PLTP: variants seen among roughly 807,000 people sequenced by gnomAD.
PLTP encodes the protein phospholipid transfer protein, also known as BPI fold containing family E.
In PLTP, 43 loss-of-function variants were observed where a neutral mutation model predicts 54.1. The ratio of observed to expected loss-of-function variants is 0.79; its 90% CI spans 0.62 to 1.02. PLTP has a LOEUF of 1.02. Among genes scored for constraint, PLTP ranks in the 50% least tolerant of loss-of-function variants. The pLI is 0.00. For missense variants in PLTP, 604 were observed against 645.9 expected (o/e 0.94, Z 0.70); for synonymous variants, 263 against 264.6 (o/e 0.99, Z 0.06).
At chr20:45,906,878 G>C (rs1304716561) in intron 7 of PLTP, among the ~76,000 whole-genome samples, 1 of 81,660 alleles carries the variant, frequency 1.2e-5, no homozygotes, top group African/African-American at 3.7e-5. Flanking sequence ...GTGACAGAGC[G>C]AGACTCCATC....
chr20:45,907,380 T>G (rs1221898043), intron 7 of PLTP, among the ~76,000 whole-genome samples: 1 of 151,196 alleles, frequency 6.6e-6, no homozygotes, highest in Non-Finnish European at 1.5e-5. Flanking sequence ...TTCATGTTAA[T>G]TGAGCACCTA....
At chr20:45,906,890 CAAAAA>C (rs746783296) in intron 7 of PLTP, among the ~76,000 whole-genome samples, 1 of 41,030 alleles carries the variant, frequency 2.4e-5, no homozygotes, top group Non-Finnish European at 6.0e-5. Flanking sequence ...GACTCCATCT[CAAAAA>C]AAAAAAAAAA....
In PLTP at chr20:45,906,271, G is replaced by A; in HGVS notation, c.702C>T (p.Phe234=). 1.2e-6 allele frequency: 2 copies of A among 1,611,146 alleles called. No individual in the cohort carries two copies. The highest frequency in any genetic ancestry group is 1.7e-6 in the Non-Finnish European group (2 of 1,177,274). ...TACACCAGCCCAAGCAGCTCACCCG[G>A]AAGTCCATGTCCAGGTTGCTGGTGG... ...VASTSNLDMD[F]RGAFFPLTER... Residue 234 remains phenylalanine (F), a synonymous_variant, in exon 8 of 16, where the codon TTC becomes TTT. Coordinates refer to ENST00000372431, the MANE Select transcript of PLTP (RefSeq NM_006227.4).
In PLTP at chr20:45,899,101, G is replaced by T. The variant is rs371590257; in HGVS notation, c.1360-38C>A. ...GAGGGGAGCCTCATTTATTCATTCA[G>T]TTATTGAGGCCAGAGTTTAGAGATC... On this transcript the variant is annotated intron_variant, in intron 15 of 15. Coordinates refer to ENST00000372431, the MANE Select transcript of PLTP (RefSeq NM_006227.4). 2.3e-5 allele frequency: 37 copies of T among 1,613,536 alleles called. No individual in the cohort carries two copies. In the African/African-American group the frequency reaches 2.9e-4, roughly 13 times the overall value.
chr20:45,905,479 C>A (rs2083230843), intron 8 of PLTP, among the ~76,000 whole-genome samples: 1 of 152,248 alleles, frequency 6.6e-6, no homozygotes, highest in African/African-American at 2.4e-5. Flanking sequence ...CTTCTTTAAT[C>A]TGCATAACAA....
Position 45,904,953 on chromosome 20 carries a change from C to CCAGCAACAGCTG in PLTP, c.859_870dup (p.Gln287_Leu290dup). 9 of 1,614,274 alleles carry CCAGCAACAGCTG rather than the reference C, an allele frequency of 5.6e-6. No homozygotes were observed. The highest frequency in any genetic ancestry group is 7.6e-6 in the Non-Finnish European group (9 of 1,180,048). On this transcript the variant is annotated inframe_insertion, in exon 9 of 16. Transcript: ENST00000372431. ...AGGCCATGACATACCTTGTCCCCCA[C>CCAGCAACAGCTG]CAGCAACAGCTGCAGGGCCCCCGCC...
At position 45,899,743 on chromosome 20, in the gene PLTP, T is replaced by A. The variant is rs1009547179; in HGVS notation, c.1219-58A>T. The A allele has an allele frequency of 2.6e-5, 42 of 1,609,460 alleles. 1 individual carries two copies. The Admixed American group carries it at 7.0e-4, about 27-fold the overall frequency. On this transcript the variant is annotated intron_variant, in intron 13 of 15. Coordinates refer to ENST00000372431, the MANE Select transcript of PLTP (RefSeq NM_006227.4). The stretch of plus-strand genomic sequence containing the variant: ...AGTCAGGGTTGGGTTTGCCTTTAGC[T>A]GCCCGCAGGTGAGCAGTTATATGAG...
rs11569653 is a variant in PLTP, at chr20:45,901,771, G to A, written c.1175+496C>T. ...GCAAAAATTAGCCGGGCGTGGTGGC[G>A]CACACCTGTAATCCCAGCTACTCAG... On this transcript the variant is annotated intron_variant, in intron 12 of 15. Coordinates refer to ENST00000372431, the MANE Select transcript of PLTP (RefSeq NM_006227.4). Among the ~76,000 whole-genome samples the A allele has an allele frequency of 8.9e-3, 1,346 of 151,616 alleles. 21 individuals carry two copies. The highest frequency in any genetic ancestry group is 0.031 in the African/African-American group (1,286 of 41,328).
Position 45,906,746 on chromosome 20 carries a change from T to C in PLTP, c.614-387A>G, listed in dbSNP as rs1296633693. 5.0e-5 allele frequency among the ~76,000 whole-genome samples: 7 copies of C among 140,132 alleles called. 1 individual carries two copies. The Admixed American group carries it at 5.3e-4, about 11-fold the overall frequency. The allele number at this position is 140,132 out of a possible 152,430, so 91.9% of individuals were successfully genotyped here. On this transcript the variant is annotated intron_variant, in intron 7 of 15. Transcript: ENST00000372431. ...TCTCTACTAAAAATACAAAAATTAG[T>C]TGGGCATGGTGGTGGGCGCCTGTAA...
At chr20:45,911,043 A>T (rs1600484478) in intron 3 of PLTP, 109 bp downstream of exon 3, 2 of 1,607,606 alleles carry the variant, frequency 1.2e-6, no homozygotes, top group Admixed American at 1.7e-5. Context: ...CGATTTGGCC[A>T]CGCCCCATCC....
chr20:45,905,528 A>C (rs2083231332), intron 8 of PLTP, among the ~76,000 whole-genome samples: 1 of 152,240 alleles, frequency 6.6e-6, no homozygotes. Context: ...TTTACATGTT[A>C]GGAAACTGGC....
chr20:45,911,845 G>C (rs555959544), intron 1 of PLTP: 1 of 334,472 alleles, frequency 3.0e-6, no homozygotes, highest in African/African-American at 2.1e-5. Flanking sequence ...TTCTTGGAGG[G>C]TGGCTTGCGG....
chr20:45,899,209 T>C, intron 15 of PLTP, 146 bp from the exon 16 acceptor site: 1 of 1,243,560 alleles, frequency 8.0e-7, no homozygotes, highest in Non-Finnish European at 1.1e-6. Flanking sequence ...TGTAGGAGTG[T>C]AGACTATGGG....
Position 45,898,723 on chromosome 20 carries a change from C to T in PLTP, c.*218G>A. 1 of 672,258 alleles carries T rather than the reference C, an allele frequency of 1.5e-6. No homozygotes were observed. The highest frequency in any genetic ancestry group is 1.9e-5 in the South Asian group (1 of 53,680). The allele number at this position is 672,258 out of a possible 1,614,324, so 41.6% of individuals were successfully genotyped here. On this transcript the variant is annotated 3_prime_UTR_variant, in exon 16 of 16. Transcript: ENST00000372431. This position sits in a 1 kb window ranked among gnomAD's most constrained non-coding sequence, Gnocchi z 4.6. ...CCCTTTATGATGCACTGATTCCATC[C>T]CAGGAACCCAACAGAGCTCAGGACA...
intron 11 of PLTP, 27 bp downstream of exon 11, chr20:45,902,413 C>T (rs2083195400): frequency 1.2e-6 from 2 of 1,614,176 alleles, no homozygotes; most frequent in Non-Finnish European, 1.7e-6. Flanking sequence ...GACCCCCAGC[C>T]AGCAGCCCCC....
chr20:45,905,124 G>A lies in PLTP; in HGVS notation c.706-6C>T, dbSNP rs766281473. 11 of 1,613,424 alleles carry A rather than the reference G, an allele frequency of 6.8e-6. 1 individual carries two copies. The South Asian group carries it at 1.1e-4, about 16-fold the overall frequency. ...GTCAGGGGGAAGAAGGCCCCCTGGG[G>A]TGGGGCATTCACAGTCAGGGTCAAG... On this transcript the variant is annotated splice_polypyrimidine_tract_variant and splice_region_variant and intron_variant, in intron 8 of 15. Coordinates refer to ENST00000372431, the MANE Select transcript of PLTP (RefSeq NM_006227.4).
At chr20:45,910,776 CA>C in intron 3 of PLTP, 1 of 1,102,658 alleles carries the variant, frequency 9.1e-7, no homozygotes, top group South Asian at 1.7e-5. Context: ...CATCCTAAAC[CA>C]TACTTAGAGC....
Position 45,909,674 on chromosome 20 carries a change from GC to G in PLTP, c.330-4del. The G allele has an allele frequency of 6.2e-7, 1 of 1,614,116 alleles. No individual in the cohort carries two copies. The highest frequency in any genetic ancestry group is 8.5e-7 in the Non-Finnish European group (1 of 1,179,988). On this transcript the variant is annotated splice_region_variant and splice_polypyrimidine_tract_variant and intron_variant, in intron 4 of 15. Coordinates refer to ENST00000372431, the MANE Select transcript of PLTP (RefSeq NM_006227.4). ...CGTTGATGTAGCCCCCATCATAGCT[GC>G]CAGGGGGGTTAATATTCACTCCAGG...
chr20:45,910,869 A>C (rs1600484279), intron 3 of PLTP: 2 of 1,332,436 alleles, frequency 1.5e-6, no homozygotes, highest in Non-Finnish European at 1.9e-6. Flanking sequence ...CCTTGACTCC[A>C]CCTTTCTGTT....
Sources: allele counts gnomAD v4.1 joint callset (sites outside exome capture counted in the v4.1 genomes callset), GRCh38; gene constraint gnomAD v4.1.1; non-coding constraint Gnocchi (gnomAD v3.1); transcripts MANE v1.5; gene names NCBI Gene and HGNC (gene_info 2026-07-23, HGNC 2026-07-21).